The following SEMA3E variants were observed in gnomAD, a reference collection of about 807,000 sequenced individuals.
SEMA3E encodes the protein semaphorin-3E.
A neutral mutation model predicts 93.6 loss-of-function variants in SEMA3E; 49 were observed. The ratio of observed to expected loss-of-function variants is 0.52; its 90% CI spans 0.42 to 0.66. SEMA3E has a LOEUF of 0.66. Ranked by LOEUF, SEMA3E falls within the 30% of genes least tolerant of loss-of-function variation. The pLI is 0.00. For missense variants in SEMA3E, 906 were observed against 964.8 expected (o/e 0.94, Z 0.81); for synonymous variants, 363 against 330.7 (o/e 1.10, Z -1.06).
At position 83,594,858 on chromosome 7, in the gene SEMA3E, T is replaced by C. The variant is rs537808016; in HGVS notation, c.115+53570A>G. ...AGACTAAAATAAATGGTCTGAATGA[T>C]TCACTTTGCATCTGCAATTTGTTTA... On this transcript the variant is annotated intron_variant, in intron 1 of 16. Coordinates refer to ENST00000643230, the MANE Select transcript of SEMA3E (RefSeq NM_012431.3). Among the ~76,000 whole-genome samples the C allele has an allele frequency of 1.1e-3, 171 of 152,084 alleles. 2 individuals carry two copies. The highest frequency in any genetic ancestry group is 4.1e-3 in the African/African-American group (170 of 41,504).
intron 2 of SEMA3E, among the ~76,000 whole-genome samples, chr7:83,487,382 C>T (rs1236509611): frequency 6.6e-6 from 1 of 152,038 alleles, no homozygotes. Context: ...AGAACTAATT[C>T]TTCAATGAAA....
At chr7:83,431,861 T>C (rs1788890179) in intron 4 of SEMA3E, among the ~76,000 whole-genome samples, 1 of 152,284 alleles carries the variant, frequency 6.6e-6, no homozygotes, top group African/African-American at 2.4e-5. Flanking sequence ...TGATTGTATT[T>C]TCCAGCATTG....
chr7:83,576,013 C>G (rs944120144), intron 1 of SEMA3E, among the ~76,000 whole-genome samples: 2 of 151,978 alleles, frequency 1.3e-5, no homozygotes, highest in Admixed American at 1.3e-4. Context: ...ACAAAGAAAA[C>G]AGAAATTCAA....
chr7:83,367,319 G>A lies in SEMA3E; in HGVS notation c.*267C>T. 2.7e-6 allele frequency: 1 copy of A among 374,362 alleles called. No homozygotes were observed. Among genetic ancestry groups the A allele is most frequent in the Admixed American group, 4.1e-5 (1 of 24,196 alleles). The allele number at this position is 374,362 out of a possible 1,614,324, so 23.2% of individuals were successfully genotyped here. ...ATAATTTTCACAGAAAAGCAGCCAA[G>A]TACTGAAAATAACAGCTACAGTTGT... On this transcript the variant is annotated 3_prime_UTR_variant, in exon 17 of 17. Coordinates refer to ENST00000643230, the MANE Select transcript of SEMA3E (RefSeq NM_012431.3).
In SEMA3E at chr7:83,406,053, C is replaced by T. The variant is rs745964981; in HGVS notation, c.820G>A (p.Val274Ile). The change falls in exon 8 of 17, where the codon GTA becomes ATA. Residue 274 changes from valine (V) to isoleucine (I), a missense_variant. By Grantham distance (29) the Val-to-Ile change is conservative (BLOSUM62 3). Transcript: ENST00000643230. ...TTCACCAGTATTCTCTGCCCTCCTA[C>T]ATCATTCTGTGAAAACCAAAAAGGA... ...TRVGRLCVNDVGGQRILVNKW... is the reference protein window; with the variant it reads ...TRVGRLCVNDIGGQRILVNKW... 6.2e-7 allele frequency: 1 copy of T among 1,610,922 alleles called. No individual in the cohort carries two copies. Among genetic ancestry groups the T allele is most frequent in the Admixed American group, 1.7e-5 (1 of 59,916 alleles).
intron 1 of SEMA3E, among the ~76,000 whole-genome samples, chr7:83,522,915 C>T (rs544519527): frequency 2.0e-5 from 3 of 152,036 alleles, no homozygotes; most frequent in Non-Finnish European, 4.4e-5. Context: ...AATCCTGTTA[C>T]TCTCGTAAGC....
intron 16 of SEMA3E, chr7:83,371,549 C>T (rs893135643): frequency 1.3e-5 from 2 of 152,024 alleles, no homozygotes; most frequent in African/African-American, 4.8e-5. Context: ...AAGCTACAAG[C>T]GTAAGGAATG....
intron 1 of SEMA3E, among the ~76,000 whole-genome samples, chr7:83,558,821 T>C (rs1451580281): frequency 4.6e-5 from 7 of 152,040 alleles, no homozygotes; most frequent in Non-Finnish European, 1.0e-4. Context: ...AAAAATCAAA[T>C]TTTTAACAAA....
chr7:83,561,656 A>C (rs1018706834), intron 1 of SEMA3E, among the ~76,000 whole-genome samples: 1 of 152,048 alleles, frequency 6.6e-6, no homozygotes, highest in South Asian at 2.1e-4. Flanking sequence ...TTTTCAATTC[A>C]CTTTGAAAAT....
intron 4 of SEMA3E, among the ~76,000 whole-genome samples, chr7:83,446,527 T>C (rs1041232821): frequency 6.6e-6 from 1 of 152,148 alleles, no homozygotes; most frequent in African/African-American, 2.4e-5. Flanking sequence ...ATTGAAAGAC[T>C]GAAAATGAGA....
intron 14 of SEMA3E, among the ~76,000 whole-genome samples, chr7:83,387,866 C>CGTT (rs1341545755): frequency 1.9e-4 from 27 of 141,570 alleles, no homozygotes; most frequent in African/African-American, 6.0e-4. Flanking sequence ...ATATATATAA[C>CGTT]ATTATATATA....
chr7:83,369,866 T>C (rs189119544), intron 16 of SEMA3E, among the ~76,000 whole-genome samples: 1 of 152,332 alleles, frequency 6.6e-6, no homozygotes, highest in Admixed American at 6.5e-5. Flanking sequence ...CTTTACCATC[T>C]ATTGCAACCT....
intron 4 of SEMA3E, among the ~76,000 whole-genome samples, chr7:83,431,593 G>C (rs1449732591): frequency 6.6e-6 from 1 of 151,994 alleles, no homozygotes; most frequent in African/African-American, 2.4e-5. Flanking sequence ...CAGTAGAGAC[G>C]AGATTTTGCC....
At chr7:83,598,995 A>T (rs573083372) in intron 1 of SEMA3E, among the ~76,000 whole-genome samples, 15 of 152,356 alleles carry the variant, frequency 9.8e-5, no homozygotes, top group African/African-American at 3.6e-4. Flanking sequence ...GAAAACTTTC[A>T]TCGGCAAAAC....
intron 4 of SEMA3E, among the ~76,000 whole-genome samples, chr7:83,441,775 A>G (rs1017432403): frequency 6.6e-6 from 1 of 152,168 alleles, no homozygotes; most frequent in Non-Finnish European, 1.5e-5. Flanking sequence ...ACATATATAC[A>G]TGTGTGTATA....
At chr7:83,637,169 A>G (rs1793897338) in intron 1 of SEMA3E, among the ~76,000 whole-genome samples, 1 of 152,100 alleles carries the variant, frequency 6.6e-6, no homozygotes, top group South Asian at 2.1e-4. Flanking sequence ...TATACATTGT[A>G]TGGTACATTT....
chr7:83,538,457 G>C (rs774983184), intron 1 of SEMA3E, among the ~76,000 whole-genome samples: 7 of 152,018 alleles, frequency 4.6e-5, no homozygotes, highest in Non-Finnish European at 7.4e-5. Flanking sequence ...ATCTTTTCAT[G>C]TGCTTACTGA....
intron 1 of SEMA3E, among the ~76,000 whole-genome samples, chr7:83,602,179 G>A (rs529458272): frequency 6.6e-6 from 1 of 152,286 alleles, no homozygotes; most frequent in South Asian, 2.1e-4. Flanking sequence ...TTTCAGGATA[G>A]GAGTAATGTA....
intron 1 of SEMA3E, among the ~76,000 whole-genome samples, chr7:83,593,266 C>CTA (rs750676242): frequency 8.6e-6 from 1 of 116,252 alleles, no homozygotes; most frequent in African/African-American, 3.7e-5. Flanking sequence ...CTCTGTCTCT[C>CTA]TCTCTCTCTC....
Sources: gnomAD v4.1 joint callset for allele counts (sites outside exome capture counted in the v4.1 genomes callset) on GRCh38, gnomAD v4.1.1 for gene constraint, MANE v1.5 for transcripts, NCBI Gene and HGNC (gene_info 2026-07-23, HGNC 2026-07-21) for gene names.